Variants in FBXO15 observed in about 807,000 individuals in gnomAD.
The protein encoded by FBXO15 is F-box only protein 15.
In FBXO15, 30 loss-of-function variants were observed where a neutral mutation model predicts 49.5. The observed-to-expected ratio is 0.61, with a 90% confidence interval of 0.45 to 0.82. The LOEUF (loss-of-function observed/expected upper bound fraction) is 0.82. Ranked by LOEUF, FBXO15 falls within the 40% of genes least tolerant of loss-of-function variation. FBXO15 has a pLI of 0.00. For missense variants in FBXO15, 591 were observed against 631.5 expected (o/e 0.94, Z 0.69); for synonymous variants, 250 against 232.7 (o/e 1.07, Z -0.68).
chr18:74,097,067 G>A (rs976989250), intron 8 of FBXO15: 70 of 152,442 alleles, frequency 4.6e-4, no homozygotes, highest in African/African-American at 1.7e-3. Flanking sequence ...AGAGGAAGCA[G>A]TGGGAAAAGC....
chr18:74,136,492 AAAGT>A (rs1292938928), intron 2 of FBXO15, among the ~76,000 whole-genome samples: 7 of 152,172 alleles, frequency 4.6e-5, no homozygotes, highest in African/African-American at 1.7e-4. Flanking sequence ...TTTCCCCAAA[AAAGT>A]AAGTATAATG....
chr18:74,082,791 A>G (rs945659499), intron 8 of FBXO15, among the ~76,000 whole-genome samples: 1 of 152,170 alleles, frequency 6.6e-6, no homozygotes, highest in Admixed American at 6.5e-5. Context: ...ACACAAACCA[A>G]CCGACAGCAA....
At chr18:74,144,404 G>A (rs1175985141) in intron 1 of FBXO15, among the ~76,000 whole-genome samples, 2 of 151,940 alleles carry the variant, frequency 1.3e-5, no homozygotes, top group Non-Finnish European at 2.9e-5. Flanking sequence ...GTTGGGGGGT[G>A]GGGGTGTTGT....
chr18:74,131,809 T>C (rs1978410371), intron 3 of FBXO15, among the ~76,000 whole-genome samples: 1 of 152,354 alleles, frequency 6.6e-6, no homozygotes, highest in South Asian at 2.1e-4. Context: ...GTCAACGGCC[T>C]GGAGGCTGCA....
At chr18:74,086,634 T>A (rs537419845) in intron 8 of FBXO15, among the ~76,000 whole-genome samples, 3 of 152,260 alleles carry the variant, frequency 2.0e-5, no homozygotes, top group African/African-American at 7.2e-5. Flanking sequence ...ATGGTCTCGA[T>A]CTCCTGACCT....
intron 9 of FBXO15, among the ~76,000 whole-genome samples, 156 bp downstream of exon 9, chr18:74,081,771 C>T (rs1272861807): frequency 6.6e-6 from 1 of 152,142 alleles, no homozygotes; most frequent in Non-Finnish European, 1.5e-5. Flanking sequence ...CAATGGCTAA[C>T]AGAATGTGCA....
chr18:74,089,170 TC>T (rs1476096146), intron 8 of FBXO15, among the ~76,000 whole-genome samples: 1 of 152,064 alleles, frequency 6.6e-6, no homozygotes, highest in Admixed American at 6.6e-5. Flanking sequence ...TGTGCGTTGT[TC>T]CCCTAGGTAT....
chr18:74,135,659 T>C (rs1978670161), intron 3 of FBXO15, 103 bp downstream of exon 3: 1 of 901,336 alleles, frequency 1.1e-6, no homozygotes, highest in Non-Finnish European at 1.7e-6. Flanking sequence ...AAAAATACTC[T>C]TGAATTCTCT....
rs747292247 is a variant in FBXO15, at chr18:74,135,746, T to G, written c.332+16A>C. 2 of 1,580,706 alleles carry G rather than the reference T, an allele frequency of 1.3e-6. No homozygotes were observed. Among genetic ancestry groups the G allele is most frequent in the South Asian group, 2.4e-5 (2 of 84,448 alleles). On this transcript the variant is annotated intron_variant, in intron 3 of 9. Coordinates refer to ENST00000419743, the MANE Select transcript of FBXO15 (RefSeq NM_001142958.2). ...ACTGTCATCAAAACATAACAGAGAC[T>G]TGGATTTCTGCTTACTTGTCATTGG...
chr18:74,132,745 A>G (rs772527195), intron 3 of FBXO15, among the ~76,000 whole-genome samples: 19 of 152,246 alleles, frequency 1.2e-4, no homozygotes, highest in East Asian at 1.9e-4. Flanking sequence ...CAACAGGCTC[A>G]GGGAAACTCA....
chr18:74,096,460 C>G (rs759361070), intron 8 of FBXO15, among the ~76,000 whole-genome samples: 1 of 151,670 alleles, frequency 6.6e-6, no homozygotes, highest in Non-Finnish European at 1.5e-5. Flanking sequence ...CTTAAGGCAC[C>G]ACCTAGAGCC....
chr18:74,109,687 G>A (rs769443375), intron 8 of FBXO15, among the ~76,000 whole-genome samples: 74 of 152,158 alleles, frequency 4.9e-4, no homozygotes, highest in Non-Finnish European at 9.0e-4. Flanking sequence ...CAGGGACATG[G>A]ATGAAGCTGG....
intron 8 of FBXO15, among the ~76,000 whole-genome samples, chr18:74,111,728 A>G (rs1352494149): frequency 6.6e-6 from 1 of 152,162 alleles, no homozygotes; most frequent in African/African-American, 2.4e-5. Context: ...AGATCAATGC[A>G]GAAAAATCCA....
chr18:74,077,916 G>A (rs1394186255), intron 9 of FBXO15, among the ~76,000 whole-genome samples: 5 of 152,312 alleles, frequency 3.3e-5, no homozygotes, highest in Non-Finnish European at 5.9e-5. Context: ...TCACTTGACT[G>A]TGTTACTTAC....
chr18:74,122,337 G>A (rs1003847840), intron 8 of FBXO15, among the ~76,000 whole-genome samples: 11 of 152,236 alleles, frequency 7.2e-5, no homozygotes, highest in African/African-American at 2.7e-4. Flanking sequence ...TAGGCAGCAA[G>A]CCCCTTGTGC....
intron 8 of FBXO15, among the ~76,000 whole-genome samples, chr18:74,119,800 G>A (rs1243073082): frequency 1.3e-5 from 2 of 152,208 alleles, no homozygotes; most frequent in African/African-American, 4.8e-5. Context: ...GTGGGCTGAG[G>A]TGGGGGAGGC....
At position 74,130,505 on chromosome 18, in the gene FBXO15, T is replaced by C; in HGVS notation, c.486A>G (p.Gln162=). Residue 162 remains glutamine (Q), a synonymous_variant, in exon 4 of 10, where the codon CAA becomes CAG. Transcript: ENST00000419743. ...GYWKKEYITK[Q]IASVKAALAD... ...CTAGTGCGGCTTTTACAGATGCTATTTGTTTTGTGATATATTCTTTCTTCC... is the reference window on the plus strand; with the variant it reads ...CTAGTGCGGCTTTTACAGATGCTATCTGTTTTGTGATATATTCTTTCTTCC... The C allele has an allele frequency of 1.2e-6, 2 of 1,614,178 alleles. No individual in the cohort carries two copies. The highest frequency in any genetic ancestry group is 1.7e-6 in the Non-Finnish European group (2 of 1,180,016).
intron 1 of FBXO15, among the ~76,000 whole-genome samples, chr18:74,145,238 G>A (rs1979331503): frequency 6.6e-6 from 1 of 152,166 alleles, no homozygotes; most frequent in Non-Finnish European, 1.5e-5. Context: ...ATGTGTAAGT[G>A]CTTTAAGACA....
chr18:74,147,688 G>A lies in FBXO15; in HGVS notation c.98C>T (p.Ala33Val). 1 of 1,499,156 alleles carries A rather than the reference G, an allele frequency of 6.7e-7. No individual in the cohort carries two copies. Among genetic ancestry groups the A allele is most frequent in the Non-Finnish European group, 8.9e-7 (1 of 1,128,834 alleles). The allele number at this position is 1,499,156 out of a possible 1,614,324, so 92.9% of individuals were successfully genotyped here. A position where few individuals can be genotyped will look rare whatever the true frequency, so the allele number is the denominator to read the frequency against. Residue 33 changes from alanine to valine, a missense_variant, in exon 1 of 10, where the codon GCC becomes GTC. Physicochemically the swap from Ala to Val is moderately conservative, Grantham distance 64. Coordinates refer to ENST00000419743, the MANE Select transcript of FBXO15 (RefSeq NM_001142958.2). The part of the protein sequence containing the change: ...SRGGGAARGR[A>V]RAFGCRKGPG... ...CAGTCACCTGCACCCAAAGGCCCTG[G>A]CGCGCCCCCGGGCCGCGCCACCGCC...
Sources: gnomAD v4.1 joint callset for allele counts (sites outside exome capture counted in the v4.1 genomes callset) on GRCh38, gnomAD v4.1.1 for gene constraint, MANE v1.5 for transcripts, NCBI Gene and HGNC (gene_info 2026-07-23, HGNC 2026-07-21) for gene names.